The following ITPR1 variants were observed in gnomAD, a reference collection of about 807,000 sequenced individuals.
ITPR1 encodes the protein inositol 1,4,5-trisphosphate receptor type 1, also known as inositol 1,4,5-trisphosphate-gated calcium channel ITPR1.
In ITPR1, 96 loss-of-function variants were observed where a neutral mutation model predicts 318.4. That is an observed-to-expected ratio of 0.30 (90% CI 0.26 to 0.36). ITPR1 has a LOEUF of 0.36. Among genes scored for constraint, ITPR1 ranks in the 10% least tolerant of loss-of-function variants. The pLI is 1.00. For synonymous variants in ITPR1, 1,312 were observed against 1,289.9 expected (o/e 1.02, Z -0.37); for missense variants, 2,440 against 3,460.2 (o/e 0.71, Z 7.40).
intron 36 of ITPR1, among the ~76,000 whole-genome samples, chr3:4,703,576 G>T (rs2094698800): frequency 6.6e-6 from 1 of 152,192 alleles, no homozygotes; most frequent in African/African-American, 2.4e-5. Flanking sequence ...CCTGCCTGAA[G>T]TTGAGAAGAG....
intron 44 of ITPR1, 51 bp from the exon 45 acceptor site, chr3:4,766,479 G>A: frequency 3.3e-6 from 5 of 1,502,242 alleles, no homozygotes; most frequent in African/African-American, 1.4e-5. Flanking sequence ...TGAGTGGGGT[G>A]CAGTTTCTGG....
chr3:4,814,981 G>C (rs767916698), intron 58 of ITPR1, 72 bp from the exon 59 acceptor site: 131 of 1,296,268 alleles, frequency 1.0e-4, no homozygotes, highest in African/African-American at 5.8e-4. Flanking sequence ...TCTCACTTGA[G>C]CTGTGCCCCA....
chr3:4,628,989 T>C (rs1023736117), intron 5 of ITPR1, among the ~76,000 whole-genome samples: 2 of 152,166 alleles, frequency 1.3e-5, no homozygotes, highest in Non-Finnish European at 2.9e-5. Context: ...ATGCAGTGTG[T>C]GTTGTTTCAG....
intron 4 of ITPR1, among the ~76,000 whole-genome samples, chr3:4,596,377 T>C (rs2125074759): frequency 6.6e-6 from 1 of 152,344 alleles, no homozygotes; most frequent in Middle Eastern, 3.4e-3. Flanking sequence ...TCTGTATTTA[T>C]CATCTTTGGT....
intron 4 of ITPR1, among the ~76,000 whole-genome samples, chr3:4,568,562 G>A (rs2087631603): frequency 6.6e-6 from 1 of 152,142 alleles, no homozygotes; most frequent in African/African-American, 2.4e-5. Flanking sequence ...AAGAAGGCAG[G>A]GATGGCTTCA....
At chr3:4,756,063 G>A (rs80254953) in intron 44 of ITPR1, among the ~76,000 whole-genome samples, 1 of 152,162 alleles carries the variant, frequency 6.6e-6, no homozygotes, top group African/African-American at 2.4e-5. Flanking sequence ...TTTATGCCAA[G>A]GGAGGGTCCA....
At chr3:4,644,096 T>C in intron 7 of ITPR1, 40 bp from the exon 8 acceptor site, 2 of 1,363,060 alleles carry the variant, frequency 1.5e-6, no homozygotes, top group Non-Finnish European at 1.0e-6. Context: ...GCAGTCCTTA[T>C]CAGTTTTGTG....
At chr3:4,523,837 C>T (rs1030084030) in intron 4 of ITPR1, among the ~76,000 whole-genome samples, 1 of 152,168 alleles carries the variant, frequency 6.6e-6, no homozygotes, top group African/African-American at 2.4e-5. Flanking sequence ...TCTGGCACGA[C>T]TGTAAAGGTG....
intron 44 of ITPR1, among the ~76,000 whole-genome samples, chr3:4,746,790 A>G (rs961918102): frequency 4.6e-5 from 7 of 152,194 alleles, no homozygotes; most frequent in Non-Finnish European, 7.3e-5. Context: ...CTCAGCATGG[A>G]GCTTTTAACA....
In ITPR1 at chr3:4,811,579, C is replaced by T. The variant is rs554382416; in HGVS notation, c.7468+119C>T. The T allele has an allele frequency of 1.2e-4, 90 of 732,612 alleles. 2 individuals are homozygous for T. The highest frequency in any genetic ancestry group is 9.2e-4 in the East Asian group (35 of 38,052). 45.4% of individuals were successfully genotyped at this position (732,612 alleles called of 1,614,324 possible). The stretch of plus-strand genomic sequence containing the variant: ...ATCTCCCCATTGTATCTCCCTAACA[C>T]GCAGAGTGTGAATTTCAAATACAGG... On this transcript the variant is annotated intron_variant, in intron 56 of 61. Transcript: ENST00000649015.
At position 4,546,126 on chromosome 3, in the gene ITPR1, G is replaced by A. The variant is rs75380377; in HGVS notation, c.163+25032G>A. ...AGACAACGTCAGGTACATTTTAAGC[G>A]TGCAGTCAGTGTACATGATTATCAT... On this transcript the variant is annotated intron_variant, in intron 4 of 61. Coordinates refer to ENST00000649015, the MANE Select transcript of ITPR1 (RefSeq NM_001378452.1). Among the ~76,000 whole-genome samples, 1,320 of 152,228 alleles carry A rather than the reference G, an allele frequency of 8.7e-3. 22 individuals are homozygous for A. Among genetic ancestry groups the A allele is most frequent in the African/African-American group, 0.03 (1,256 of 41,538 alleles).
intron 16 of ITPR1, 81 bp downstream of exon 16, chr3:4,663,287 A>T: frequency 7.3e-7 from 1 of 1,370,700 alleles, no homozygotes; most frequent in Non-Finnish European, 9.9e-7. Context: ...CTGTAGTCCC[A>T]GCACTTTGGG....
chr3:4,674,426 T>G (rs2094145811), intron 22 of ITPR1, 83 bp downstream of exon 22: 1 of 1,203,018 alleles, frequency 8.3e-7, no homozygotes, highest in African/African-American at 1.6e-5. Context: ...AATATGTGAG[T>G]AGGTTGTGAT....
intron 20 of ITPR1, chr3:4,671,882 A>T (rs1375443637): frequency 6.6e-6 from 1 of 152,192 alleles, no homozygotes; most frequent in African/African-American, 2.4e-5. Flanking sequence ...TCTGTAAATC[A>T]TATGTAGTAT....
At chr3:4,627,970 C>A in intron 5 of ITPR1, 92 bp downstream of exon 5, 1 of 724,178 alleles carries the variant, frequency 1.4e-6, no homozygotes, top group Non-Finnish European at 2.2e-6. Context: ...CTTATGCAAC[C>A]CTCCAATTCT....
intron 4 of ITPR1, among the ~76,000 whole-genome samples, chr3:4,539,278 G>A (rs1313790023): frequency 1.3e-5 from 2 of 151,964 alleles, no homozygotes; most frequent in African/African-American, 4.8e-5. Context: ...GTTGTGTGTT[G>A]GTCAGATAAT....
At chr3:4,620,990 G>A (rs533122664) in intron 4 of ITPR1, among the ~76,000 whole-genome samples, 69 of 151,120 alleles carry the variant, frequency 4.6e-4, no homozygotes, top group Non-Finnish European at 8.7e-4. Context: ...TTGATGGACA[G>A]CCTACTCACT....
intron 60 of ITPR1, chr3:4,830,801 C>T (rs2106530796): frequency 2.6e-6 from 1 of 382,736 alleles, no homozygotes; most frequent in East Asian, 7.2e-5. Flanking sequence ...AGCAACAAGA[C>T]CATTTTTCTA....
At chr3:4,538,756 T>G (rs1343101195) in intron 4 of ITPR1, among the ~76,000 whole-genome samples, 1 of 152,082 alleles carries the variant, frequency 6.6e-6, no homozygotes, top group African/African-American at 2.4e-5. Context: ...GGGACATGGA[T>G]GGAGCAAACT....
Sources: gnomAD v4.1 joint callset for allele counts (sites outside exome capture counted in the v4.1 genomes callset) on GRCh38, gnomAD v4.1.1 for gene constraint, MANE v1.5 for transcripts, NCBI Gene and HGNC (gene_info 2026-07-23, HGNC 2026-07-21) for gene names.